PTPN22: variants seen among roughly 807,000 people sequenced by gnomAD.
PTPN22 encodes the protein tyrosine-protein phosphatase non-receptor type 22.
PTPN22 carries 85 observed loss-of-function variants against 103.3 expected under a neutral mutation model. That is an observed-to-expected ratio of 0.82 (90% CI 0.69 to 0.99). The LOEUF (loss-of-function observed/expected upper bound fraction) is 0.99. PTPN22 is among the 50% of genes least tolerant of loss of function. The pLI, the probability that PTPN22 is intolerant of heterozygous loss-of-function variation, is 0.00. For synonymous variants in PTPN22, 323 were observed against 310.2 expected, an observed-to-expected ratio of 1.04 and a Z score of -0.43; for missense variants, 865 against 936.9, an observed-to-expected ratio of 0.92 and a Z score of 1.00.
intron 18 of PTPN22, 44 bp downstream of exon 18, chr1:113,829,548 G>A: frequency 8.8e-7 from 1 of 1,139,268 alleles, no homozygotes. Context: ...CTTTCAGTAA[G>A]GGAAAGTTTC....
At chr1:113,851,235 C>T (rs561711359) in intron 10 of PTPN22, among the ~76,000 whole-genome samples, 7 of 150,666 alleles carry the variant, frequency 4.6e-5, no homozygotes, top group Admixed American at 6.6e-5. Flanking sequence ...CCTCTGCAAC[C>T]TCCACCTCGC....
chr1:113,855,453 C>T (rs1664960142), intron 7 of PTPN22, among the ~76,000 whole-genome samples: 1 of 146,766 alleles, frequency 6.8e-6, no homozygotes, highest in Non-Finnish European at 1.5e-5. Context: ...CAAGATTGCA[C>T]CACTGCACAC....
chr1:113,827,834 G>T (rs1461646814), intron 18 of PTPN22, among the ~76,000 whole-genome samples: 4 of 152,014 alleles, frequency 2.6e-5, no homozygotes, highest in Non-Finnish European at 4.4e-5. Context: ...AAAAAAAATT[G>T]TAAAAAGAAG....
intron 19 of PTPN22, among the ~76,000 whole-genome samples, chr1:113,822,431 C>T (rs1381388523): frequency 6.6e-6 from 1 of 152,156 alleles, no homozygotes; most frequent in African/African-American, 2.4e-5. Context: ...AACTACTTAC[C>T]ATGCATGACC....
chr1:113,851,904 C>T, intron 10 of PTPN22, 123 bp downstream of exon 10: 1 of 587,282 alleles, frequency 1.7e-6, no homozygotes. Flanking sequence ...GCAATGGACT[C>T]TAGAGCACGT....
exon 13 of PTPN22, chr1:113,837,718 A>G: frequency 6.2e-7 from 1 of 1,610,240 alleles, no homozygotes; most frequent in Non-Finnish European, 8.5e-7. Context: ...AGAAGGAAAA[A>G]CAGTTCCATC....
intron 5 of PTPN22, among the ~76,000 whole-genome samples, chr1:113,857,182 T>A (rs1665156770): frequency 1.3e-5 from 2 of 152,222 alleles, no homozygotes; most frequent in African/African-American, 4.8e-5. Context: ...CAAAATCCAG[T>A]GTATATTTTA....
At chr1:113,863,920 T>C (rs1558057539) in intron 1 of PTPN22, among the ~76,000 whole-genome samples, 1 of 102,460 alleles carries the variant, frequency 9.8e-6, no homozygotes, top group African/African-American at 5.3e-5. Flanking sequence ...TATATATATA[T>C]ATATATATTT....
intron 19 of PTPN22, 105 bp downstream of exon 19, chr1:113,825,037 T>C: frequency 1.3e-6 from 1 of 773,220 alleles, no homozygotes; most frequent in Non-Finnish European, 2.0e-6. Context: ...ATGGAGGCTC[T>C]GTTTAGGAAT....
At chr1:113,871,245 A>C (rs1450902894) in intron 1 of PTPN22, among the ~76,000 whole-genome samples, 3 of 152,242 alleles carry the variant, frequency 2.0e-5, no homozygotes, top group Non-Finnish European at 4.4e-5. Flanking sequence ...GGAAATCTGG[A>C]TGTTCAATTA....
intron 10 of PTPN22, among the ~76,000 whole-genome samples, chr1:113,849,592 TTA>T (rs201680412): frequency 0.12 from 15,985 of 137,758 alleles, 1,544 homozygotes; most frequent in African/African-American, 0.28. Flanking sequence ...ATTTATTTAT[TTA>T]TTTTTTTTTT....
chr1:113,865,274 T>G (rs1666025641), intron 1 of PTPN22, among the ~76,000 whole-genome samples: 1 of 152,136 alleles, frequency 6.6e-6, no homozygotes, highest in Non-Finnish European at 1.5e-5. Context: ...ATCCAATGAA[T>G]GAAATTAACA....
At chr1:113,831,473 T>C (rs1452356712) in intron 16 of PTPN22, among the ~76,000 whole-genome samples, 2 of 152,196 alleles carry the variant, frequency 1.3e-5, no homozygotes, top group Non-Finnish European at 2.9e-5. Flanking sequence ...GGATATTTCA[T>C]GTGACTAGCT....
At chr1:113,854,807 T>C in intron 8 of PTPN22, 100 bp downstream of exon 8, 3 of 1,389,298 alleles carry the variant, frequency 2.2e-6, no homozygotes, top group African/African-American at 1.4e-5. Flanking sequence ...TATTATCGTT[T>C]GTTTTTGCTA....
intron 11 of PTPN22, among the ~76,000 whole-genome samples, chr1:113,843,110 A>AAAAAAAAAAAAAT (rs1195875096): frequency 6.8e-6 from 1 of 147,150 alleles, no homozygotes; most frequent in Non-Finnish European, 1.5e-5. Context: ...AAAAAAAAAA[A>AAAAAAAAAAAAAT]AAAAGAAAAC....
At chr1:113,847,656 G>T (rs1436109759) in intron 11 of PTPN22, among the ~76,000 whole-genome samples, 1 of 150,840 alleles carries the variant, frequency 6.6e-6, no homozygotes, top group Non-Finnish European at 1.5e-5. Flanking sequence ...TCAGATCACT[G>T]CAACCTCCGC....
chr1:113,825,819 T>G (rs576988138), intron 18 of PTPN22, among the ~76,000 whole-genome samples: 1 of 152,146 alleles, frequency 6.6e-6, no homozygotes, highest in East Asian at 2.0e-4. Flanking sequence ...GTTCAAGCGA[T>G]CCTTCTGCCT....
At chr1:113,818,173 C>CT (rs897611060) in intron 20 of PTPN22, among the ~76,000 whole-genome samples, 84 of 149,006 alleles carry the variant, frequency 5.6e-4, no homozygotes, top group African/African-American at 2.0e-3. Flanking sequence ...TAAATTATAA[C>CT]TTTTTTTTTT....
chr1:113,815,415 C>T (rs1016101859), intron 20 of PTPN22: 5 of 152,354 alleles, frequency 3.3e-5, no homozygotes, highest in Admixed American at 1.3e-4. Context: ...CTTCAATTTA[C>T]CAAGAGATTA....
Sources: allele counts gnomAD v4.1 joint callset (sites outside exome capture counted in the v4.1 genomes callset), GRCh38; gene constraint gnomAD v4.1.1; transcripts MANE v1.5; gene names NCBI Gene and HGNC (gene_info 2026-07-23, HGNC 2026-07-21).